Variants in PPARGC1B observed in about 807,000 individuals in gnomAD.
PPARGC1B encodes the protein peroxisome proliferator-activated receptor gamma coactivator 1-beta.
Under a neutral mutation model 101.6 loss-of-function variants are expected in PPARGC1B, and 34 were observed. That is an observed-to-expected ratio of 0.33 (90% CI 0.25 to 0.45). PPARGC1B has a LOEUF of 0.45. Ranked by LOEUF, PPARGC1B falls within the 20% of genes least tolerant of loss-of-function variation. The probability of loss-of-function intolerance (pLI) is 1.00; values close to 1 mark genes in which losing one functional copy is unlikely to be tolerated. For synonymous variants in PPARGC1B, 548 were observed against 539.3 expected, an observed-to-expected ratio of 1.02 and a Z score of -0.22; for missense variants, 1,234 against 1,317.6, an observed-to-expected ratio of 0.94 and a Z score of 0.98.
At chr5:149,826,978 C>T (rs868419043) in intron 3 of PPARGC1B, 93 bp downstream of exon 3, 39 of 964,380 alleles carry the variant, frequency 4.0e-5, no homozygotes, top group Admixed American at 3.6e-4. Context: ...GCTCCAGCCC[C>T]GCAGGGGACT....
intron 1 of PPARGC1B, among the ~76,000 whole-genome samples, chr5:149,779,508 A>G (rs1756518364): frequency 6.6e-6 from 1 of 152,182 alleles, no homozygotes; most frequent in African/African-American, 2.4e-5. Context: ...CTAAGGATAC[A>G]ACAGTGAAAA....
intron 1 of PPARGC1B, chr5:149,739,910 G>A (rs949077905): frequency 6.6e-6 from 1 of 152,364 alleles, no homozygotes; most frequent in Non-Finnish European, 1.5e-5. Context: ...CTGGCCTGAG[G>A]TCACCCAGCT....
At position 149,836,886 on chromosome 5, in the gene PPARGC1B, G is replaced by A; in HGVS notation, c.2431G>A (p.Glu811Lys). 6.2e-7 allele frequency: 1 copy of A among 1,613,248 alleles called. No individual in the cohort carries two copies. The highest frequency in any genetic ancestry group is 8.5e-7 in the Non-Finnish European group (1 of 1,180,020). Residue 811 changes from glutamate (E) to lysine (K), a missense_variant, in exon 8 of 12, where the codon GAA (glutamate) becomes AAA (lysine). Around this residue, in one of 3 missense-constraint regions of PPARGC1B, gnomAD observed 497 missense variants for 529.5 expected, o/e 0.94. Coordinates refer to ENST00000309241, the MANE Select transcript of PPARGC1B (RefSeq NM_133263.4). ...ESSFLPEEEE[E>K]EGEEEEEDDE... ...CAGCTTCCTCCCAGAGGAGGAAGAGGAAGAAGGGGAGGAGGAGGAGGAGGA... is the reference window on the plus strand; with the variant it reads ...CAGCTTCCTCCCAGAGGAGGAAGAGAAAGAAGGGGAGGAGGAGGAGGAGGA...
intron 1 of PPARGC1B, among the ~76,000 whole-genome samples, chr5:149,795,010 C>T (rs1350172345): frequency 2.6e-5 from 4 of 152,204 alleles, no homozygotes; most frequent in Non-Finnish European, 5.9e-5. Flanking sequence ...TTGACGTCAA[C>T]GGGTCAGCTA....
intron 11 of PPARGC1B, 52 bp downstream of exon 11, chr5:149,845,966 C>T (rs1434825039): frequency 6.2e-7 from 1 of 1,609,424 alleles, no homozygotes. Context: ...GCTTGGGAAG[C>T]AGTGCCTTCC....
At chr5:149,790,973 A>G (rs1165921523) in intron 1 of PPARGC1B, among the ~76,000 whole-genome samples, 3 of 152,066 alleles carry the variant, frequency 2.0e-5, no homozygotes, top group Non-Finnish European at 4.4e-5. Flanking sequence ...TGGTAAGAGA[A>G]CCAAACTGGG....
intron 1 of PPARGC1B, among the ~76,000 whole-genome samples, chr5:149,733,615 A>G (rs1416868259): frequency 4.6e-5 from 7 of 152,322 alleles, no homozygotes; most frequent in East Asian, 3.9e-4. Context: ...GGCTAGGCAC[A>G]TGGATTACAG....
At chr5:149,736,273 T>G (rs1754706857) in intron 1 of PPARGC1B, among the ~76,000 whole-genome samples, 1 of 152,168 alleles carries the variant, frequency 6.6e-6, no homozygotes, top group South Asian at 2.1e-4. Flanking sequence ...AAAATGAGCA[T>G]TAACCTGCTA....
At chr5:149,804,693 C>T (rs1365696926) in intron 1 of PPARGC1B, among the ~76,000 whole-genome samples, 3 of 152,114 alleles carry the variant, frequency 2.0e-5, no homozygotes, top group African/African-American at 7.2e-5. Flanking sequence ...CAAAAACCCA[C>T]AGTGATGTAA....
chr5:149,765,998 A>G (rs1311253276), intron 1 of PPARGC1B, among the ~76,000 whole-genome samples: 1 of 152,168 alleles, frequency 6.6e-6, no homozygotes, highest in Non-Finnish European at 1.5e-5. Context: ...TAAGGCTGTT[A>G]TTTTAATAAG....
intron 1 of PPARGC1B, among the ~76,000 whole-genome samples, chr5:149,768,255 T>G (rs957927446): frequency 6.6e-6 from 1 of 152,156 alleles, no homozygotes; most frequent in Non-Finnish European, 1.5e-5. Context: ...CAGATGCAGC[T>G]TAATTGGCAC....
chr5:149,744,581 C>A (rs1389014552), intron 1 of PPARGC1B, among the ~76,000 whole-genome samples: 1 of 152,000 alleles, frequency 6.6e-6, no homozygotes, highest in African/African-American at 2.4e-5. Context: ...TTGGTATTAC[C>A]ATCAAAAATA....
chr5:149,737,628 C>T (rs1342821005), intron 1 of PPARGC1B, among the ~76,000 whole-genome samples: 2 of 152,214 alleles, frequency 1.3e-5, no homozygotes, highest in South Asian at 2.1e-4. Context: ...TTGCCAGCTT[C>T]GAGGCCTTTG....
chr5:149,845,199 C>T (rs797005720), intron 10 of PPARGC1B, among the ~76,000 whole-genome samples: 1 of 152,130 alleles, frequency 6.6e-6, no homozygotes, highest in African/African-American at 2.4e-5. Context: ...GGGCAAGATG[C>T]GTGCAGAAGA....
chr5:149,801,986 C>T (rs1472548446), intron 1 of PPARGC1B, among the ~76,000 whole-genome samples: 1 of 152,152 alleles, frequency 6.6e-6, no homozygotes, highest in African/African-American at 2.4e-5. Flanking sequence ...GTGGGTGTAC[C>T]CTATTTTACT....
chr5:149,833,529 C>T lies in PPARGC1B; in HGVS notation c.1456C>T (p.Leu486=), dbSNP rs1247447041. ...GCGTTCTCGGAGACTGAACCCTGAG[C>T]TGGGCCCCTGGCTGACATTTGCAGA... The part of the protein sequence containing the change: ...VRRSRRLNPE[L]GPWLTFADEP... The change falls in exon 5 of 12, where the codon CTG becomes TTG. Residue 486 remains leucine, a synonymous_variant. Transcript: ENST00000309241. This position sits in a 1 kb window ranked among gnomAD's most constrained non-coding sequence, Gnocchi z 4.1. The T allele has an allele frequency of 6.4e-7, 1 of 1,571,208 alleles. No homozygotes were observed. Among genetic ancestry groups the T allele is most frequent in the East Asian group, 2.4e-5 (1 of 42,076 alleles).
intron 1 of PPARGC1B, among the ~76,000 whole-genome samples, chr5:149,747,564 A>T (rs184156455): frequency 6.6e-6 from 1 of 152,324 alleles, no homozygotes; most frequent in African/African-American, 2.4e-5. Flanking sequence ...ATCATGCCCC[A>T]GTGCCCTAGT....
At position 149,836,621 on chromosome 5, in the gene PPARGC1B, G is replaced by T; in HGVS notation, c.2166G>T (p.Trp722Cys). The T allele has an allele frequency of 6.2e-7, 1 of 1,613,790 alleles. No homozygotes were observed. Among genetic ancestry groups the T allele is most frequent in the Non-Finnish European group, 8.5e-7 (1 of 1,180,034 alleles). The change falls in exon 8 of 12, where the codon TGG (tryptophan) becomes TGT (cysteine). Residue 722 changes from tryptophan to cysteine, a missense_variant. Trp to Cys is a radical substitution (Grantham distance 215). This residue lies in a region of PPARGC1B where 497 missense variants were observed against 529.5 expected (regional missense o/e 0.94). Coordinates refer to ENST00000309241, the MANE Select transcript of PPARGC1B (RefSeq NM_133263.4). The part of the protein sequence containing the change: ...WEPSGVHLED[W>C]PQQGAPWAEA... Reference sequence around the variant, plus strand: ...CGTCTGGGGTTCACCTTGAGGACTGGCCCCAGCAGGGTGCCCCTTGGGCTG... The same window carrying T: ...CGTCTGGGGTTCACCTTGAGGACTGTCCCCAGCAGGGTGCCCCTTGGGCTG...
At chr5:149,731,973 G>A (rs1754497801) in intron 1 of PPARGC1B, among the ~76,000 whole-genome samples, 2 of 152,186 alleles carry the variant, frequency 1.3e-5, no homozygotes, top group East Asian at 3.9e-4. Flanking sequence ...GGCAGAGGCC[G>A]GAGGGGCTAG....
Sources: gnomAD v4.1 joint callset for allele counts (sites outside exome capture counted in the v4.1 genomes callset) on GRCh38, gnomAD v4.1.1 for gene constraint, gnomAD v4.1.1 regional missense constraint, Gnocchi (gnomAD v3.1) non-coding constraint, MANE v1.5 for transcripts, NCBI Gene and HGNC (gene_info 2026-07-23, HGNC 2026-07-21) for gene names.